The following ANK1 variants were observed in gnomAD, a reference collection of about 807,000 sequenced individuals.
The protein encoded by ANK1 is ankyrin 1, also known as ankyrin-1.
In ANK1, 51 loss-of-function variants were observed where a neutral mutation model predicts 210.4. That is an observed-to-expected ratio of 0.24 (90% confidence interval 0.19 to 0.31). ANK1 has a LOEUF of 0.31. Ranked by LOEUF, ANK1 falls within the 10% of genes least tolerant of loss-of-function variation. The probability of loss-of-function intolerance (pLI) is 1.00; values close to 1 mark genes in which losing one functional copy is unlikely to be tolerated. For synonymous variants in ANK1, 967 were observed against 1,025.9 expected, an observed-to-expected ratio of 0.94 and a Z score of 1.10; for missense variants, 2,051 against 2,504.4, an observed-to-expected ratio of 0.82 and a Z score of 3.86.
chr8:41,796,212 C>A (rs1205197215), intron 1 of ANK1, among the ~76,000 whole-genome samples: 1 of 152,198 alleles, frequency 6.6e-6, no homozygotes, highest in Non-Finnish European at 1.5e-5. Context: ...ATTTCCCAGA[C>A]AAGAAAACTG....
chr8:41,663,758 G>A lies in ANK1; in HGVS notation c.5395-16C>T, dbSNP rs763307966. On this transcript the variant is annotated splice_polypyrimidine_tract_variant and intron_variant, in intron 39 of 42. Transcript: ENST00000289734. ...ACTCATTCCCCTGGAATTAGAGAAA[G>A]GGAGAAAATGCAAGATTGGTGAGTG... 2.7e-5 allele frequency: 43 copies of A among 1,599,486 alleles called. No homozygotes were observed. The highest frequency in any genetic ancestry group is 3.6e-5 in the Non-Finnish European group (42 of 1,166,796).
At chr8:41,840,886 A>G (rs1808769370) in intron 1 of ANK1, among the ~76,000 whole-genome samples, 1 of 152,218 alleles carries the variant, frequency 6.6e-6, no homozygotes, top group East Asian at 1.9e-4. Flanking sequence ...TAGGATGGCC[A>G]TATTGAAACA....
At chr8:41,839,502 A>G (rs1808436772) in intron 1 of ANK1, among the ~76,000 whole-genome samples, 1 of 152,270 alleles carries the variant, frequency 6.6e-6, no homozygotes, top group Admixed American at 6.5e-5. Context: ...GTTTAGCAGG[A>G]AACAGGCTTG....
intron 16 of ANK1, among the ~76,000 whole-genome samples, chr8:41,711,490 A>C (rs1343872835): frequency 6.6e-6 from 1 of 152,206 alleles, no homozygotes; most frequent in Non-Finnish European, 1.5e-5. Flanking sequence ...CCAAATTATC[A>C]ACAGGACCCA....
intron 33 of ANK1, 129 bp downstream of exon 33, chr8:41,690,098 C>T (rs919247181): frequency 3.4e-5 from 49 of 1,453,730 alleles, no homozygotes; most frequent in Non-Finnish European, 4.3e-5. Context: ...AGCACCTTTG[C>T]ATGCCTCGGG....
At chr8:41,748,933 G>T (rs932884871) in intron 2 of ANK1, among the ~76,000 whole-genome samples, 4 of 152,012 alleles carry the variant, frequency 2.6e-5, no homozygotes, top group Non-Finnish European at 5.9e-5. Flanking sequence ...TACTTGGGGG[G>T]CTGAGGCAGG....
At chr8:41,718,304 C>A in intron 10 of ANK1, 100 bp from the exon 11 acceptor site, 1 of 1,075,578 alleles carries the variant, frequency 9.3e-7, no homozygotes, top group African/African-American at 1.6e-5. Flanking sequence ...CAGCTGCTGC[C>A]CAGGCCACCA....
In ANK1 at chr8:41,696,454, G is replaced by T. The variant is rs1483106912; in HGVS notation, c.2869C>A (p.Gln957Lys). ...AGTGGGGGCGGCGTGCTGAGCTTCT[G>T]GGGCTTGACCAGGCGGCAGGTGATG... ...TRITCRLVKP[Q>K]KLSTPPPLAE... Residue 957 changes from glutamine (Q) to lysine (K), a missense_variant, in exon 26 of 43, where the codon CAG becomes AAG. Physicochemically the swap from Gln to Lys is moderately conservative, Grantham distance 53. This residue lies in a region of ANK1 where 1,413 missense variants were observed against 1,707.4 expected (regional missense o/e 0.83). Transcript: ENST00000289734. The T allele has an allele frequency of 6.2e-7, 1 of 1,613,266 alleles. No individual in the cohort carries two copies. The highest frequency in any genetic ancestry group is 8.5e-7 in the Non-Finnish European group (1 of 1,179,926).
intron 1 of ANK1, among the ~76,000 whole-genome samples, chr8:41,810,111 A>C (rs1802264333): frequency 6.6e-6 from 1 of 152,196 alleles, no homozygotes; most frequent in South Asian, 2.1e-4. Flanking sequence ...GCTGATTATA[A>C]AGTTTAAAAC....
At chr8:41,679,571 T>TTC (rs1435098211) in intron 37 of ANK1, among the ~76,000 whole-genome samples, 2 of 140,252 alleles carry the variant, frequency 1.4e-5, no homozygotes, top group East Asian at 2.1e-4. Context: ...TTTTTTTTTT[T>TTC]TTTTTTTTTG....
At chr8:41,894,924 AG>A (rs1320405334) in intron 1 of ANK1, among the ~76,000 whole-genome samples, 3 of 152,172 alleles carry the variant, frequency 2.0e-5, no homozygotes, top group Non-Finnish European at 4.4e-5. Context: ...GGTCCTCTAA[AG>A]GGGTGGTGCC....
intron 1 of ANK1, among the ~76,000 whole-genome samples, chr8:41,804,037 A>AT (rs1299470264): frequency 2.0e-5 from 3 of 152,168 alleles, no homozygotes; most frequent in Non-Finnish European, 4.4e-5. Context: ...AAATACGTAA[A>AT]TTTAGTATTT....
intron 1 of ANK1, among the ~76,000 whole-genome samples, chr8:41,777,532 G>A (rs867279155): frequency 7.9e-5 from 12 of 152,024 alleles, no homozygotes; most frequent in Non-Finnish European, 1.2e-4. Flanking sequence ...CTGAGATCAC[G>A]GCACTGCACT....
intron 39 of ANK1, among the ~76,000 whole-genome samples, chr8:41,667,157 C>T (rs1178398683): frequency 2.6e-5 from 4 of 152,194 alleles, no homozygotes; most frequent in Non-Finnish European, 5.9e-5. Flanking sequence ...TGCACACAGG[C>T]GCTGGCCCTG....
intron 1 of ANK1, among the ~76,000 whole-genome samples, chr8:41,862,966 C>T (rs1200836689): frequency 6.6e-6 from 1 of 152,040 alleles, no homozygotes. Flanking sequence ...GAGCCATGAT[C>T]GCACCACTGC....
intron 1 of ANK1, among the ~76,000 whole-genome samples, chr8:41,807,114 A>G (rs117124339): frequency 6.6e-6 from 1 of 152,334 alleles, no homozygotes; most frequent in East Asian, 1.9e-4. Flanking sequence ...ATATTTACCA[A>G]GCACCTATTA....
chr8:41,870,349 C>A (rs1017245809), intron 1 of ANK1, among the ~76,000 whole-genome samples: 1 of 152,112 alleles, frequency 6.6e-6, no homozygotes, highest in African/African-American at 2.4e-5. Context: ...AAAACAAGGC[C>A]GAGTCACCTT....
intron 1 of ANK1, among the ~76,000 whole-genome samples, chr8:41,831,639 CAAAAAAA>C (rs143137281): frequency 1.7e-5 from 1 of 58,444 alleles, no homozygotes; most frequent in Non-Finnish European, 3.5e-5. Context: ...AAAAGTCTGT[CAAAAAAA>C]AAAAAAAAAG....
Position 41,873,362 on chromosome 8 carries a change from T to G in ANK1, c.126+22993A>C, listed in dbSNP as rs563411003. 2.6e-5 allele frequency among the ~76,000 whole-genome samples: 4 copies of G among 152,342 alleles called. No individual in the cohort carries two copies. In the South Asian group the frequency reaches 8.3e-4, roughly 32 times the overall value. On this transcript the variant is annotated intron_variant, in intron 1 of 42. Transcript: ENST00000265709. ...CTTCCCAGGCCTCACTTTCCTCACT[T>G]GCACACTGAAGATGGTGATGTTAGC...
Sources: gnomAD v4.1 joint callset for allele counts (sites outside exome capture counted in the v4.1 genomes callset) on GRCh38, gnomAD v4.1.1 for gene constraint, gnomAD v4.1.1 regional missense constraint, MANE v1.5 for transcripts, NCBI Gene and HGNC (gene_info 2026-07-23, HGNC 2026-07-21) for gene names.